PPP4R1: variants seen among roughly 807,000 people sequenced by gnomAD.
The protein encoded by PPP4R1 is serine/threonine-protein phosphatase 4 regulatory subunit 1.
Under a neutral mutation model 111.2 loss-of-function variants are expected in PPP4R1, and 42 were observed. That is an observed-to-expected ratio of 0.38 (90% CI 0.29 to 0.49). PPP4R1 has a LOEUF of 0.49. PPP4R1 is among the 20% of genes least tolerant of loss of function. PPP4R1 has a pLI of 0.97. For missense variants in PPP4R1, 1,012 were observed against 1,161.6 expected (o/e 0.87, Z 1.87); for synonymous variants, 409 against 405.5 (o/e 1.01, Z -0.10).
At chr18:9,602,167 C>T (rs887422906) in intron 2 of PPP4R1, among the ~76,000 whole-genome samples, 4 of 151,994 alleles carry the variant, frequency 2.6e-5, no homozygotes, top group African/African-American at 7.3e-5. Flanking sequence ...CACAGAAATC[C>T]AAAGTAGCAG....
intron 4 of PPP4R1, chr18:9,590,203 A>G (rs2067188194): frequency 1.3e-5 from 2 of 152,220 alleles, no homozygotes; most frequent in Non-Finnish European, 2.9e-5. Flanking sequence ...ATATGTATGA[A>G]TGTGTCTACT....
intron 2 of PPP4R1, among the ~76,000 whole-genome samples, chr18:9,610,564 G>GC (rs1375579540): frequency 6.6e-6 from 1 of 152,040 alleles, no homozygotes; most frequent in Non-Finnish European, 1.5e-5. Flanking sequence ...CTGGGTTCAA[G>GC]CAACTCCCCT....
intron 13 of PPP4R1, among the ~76,000 whole-genome samples, chr18:9,560,554 C>T (rs1483048726): frequency 6.6e-6 from 1 of 151,952 alleles, no homozygotes; most frequent in African/African-American, 2.4e-5. Context: ...TTTTGAGCTA[C>T]ATAAACGAAT....
chr18:9,548,516 G>A (rs1028262443), intron 19 of PPP4R1, among the ~76,000 whole-genome samples: 2 of 152,156 alleles, frequency 1.3e-5, no homozygotes, highest in Admixed American at 6.5e-5. Context: ...TGAAGAGAAA[G>A]CAGAAGGGAG....
chr18:9,615,496 G>A (rs1028123901), upstream of PPP4R1, among the ~76,000 whole-genome samples: 2 of 152,224 alleles, frequency 1.3e-5, no homozygotes, highest in South Asian at 4.1e-4. Context: ...ACTTTTGGCA[G>A]CACTTGAGGT....
At chr18:9,561,084 T>C (rs2145046539) in intron 13 of PPP4R1, among the ~76,000 whole-genome samples, 1 of 150,006 alleles carries the variant, frequency 6.7e-6, no homozygotes, top group African/African-American at 2.5e-5. Flanking sequence ...CTGGGCATGG[T>C]GGCTCGCAAC....
intron 13 of PPP4R1, among the ~76,000 whole-genome samples, chr18:9,560,469 A>G (rs2066654982): frequency 6.6e-6 from 1 of 150,880 alleles, no homozygotes; most frequent in South Asian, 2.1e-4. Flanking sequence ...GTTGTATCTC[A>G]GGAAGCAAAA....
rs2066839997 is a variant in PPP4R1 at position 9,570,321 on chromosome 18, A to C, written c.1409T>G (p.Ile470Arg). Residue 470 changes from isoleucine to arginine, a missense_variant, in exon 11 of 20, where the codon ATA becomes AGA. By Grantham distance (97) the Ile-to-Arg change is moderately conservative. Transcript: ENST00000400556. Reference sequence around the variant, plus strand: ...TCCCCCAGAGTTCTGTTCAAGCTCTATGTCTAGATCTATTTCAGGAAGAGG... The same window carrying C: ...TCCCCCAGAGTTCTGTTCAAGCTCTCTGTCTAGATCTATTTCAGGAAGAGG... ...RTPLPEIDLD[I>R]ELEQNSGGKP... 2 of 1,611,964 alleles carry C rather than the reference A, an allele frequency of 1.2e-6. No individual in the cohort carries two copies. The highest frequency in any genetic ancestry group is 1.3e-5 in the African/African-American group (1 of 74,754).
chr18:9,549,611 C>T (rs1160834783), intron 18 of PPP4R1, among the ~76,000 whole-genome samples: 2 of 152,174 alleles, frequency 1.3e-5, no homozygotes. Context: ...GACATGAGCA[C>T]CCTCTAGTGG....
rs779251554 is a variant in PPP4R1 at position 9,563,521 on chromosome 18, G to A, written c.1603C>T (p.Arg535Cys). The A allele has an allele frequency of 7.5e-6, 12 of 1,606,254 alleles. No individual in the cohort carries two copies. Among genetic ancestry groups the A allele is most frequent in the East Asian group, 2.2e-5 (1 of 44,806 alleles). ...TCATGTGCATCCAGGCTGGAAGCAC[G>A]TAGTGCAGCGGACAGCACTTCCACT... ...AQVEVLSAAL[R>C]ASSLDAHEET... Residue 535 changes from arginine (R) to cysteine (C), a missense_variant, in exon 12 of 20, where the codon CGT (arginine) becomes TGT (cysteine). Physicochemically the swap from Arg to Cys is radical, Grantham distance 180. This residue lies in a region of PPP4R1 where 707 missense variants were observed against 742.1 expected (regional missense o/e 0.95). Transcript: ENST00000400556.
intron 9 of PPP4R1, among the ~76,000 whole-genome samples, chr18:9,578,870 C>A (rs1052070976): frequency 2.0e-5 from 3 of 152,140 alleles, no homozygotes; most frequent in African/African-American, 7.2e-5. Flanking sequence ...ACGCTGTATG[C>A]ACGAATTTAA....
At chr18:9,575,038 C>G (rs1254812653) in intron 10 of PPP4R1, among the ~76,000 whole-genome samples, 1 of 152,172 alleles carries the variant, frequency 6.6e-6, no homozygotes, top group African/African-American at 2.4e-5. Flanking sequence ...AGTGAAAGAT[C>G]TGATGTGTAA....
chr18:9,577,339 GA>G (rs2066952923), intron 9 of PPP4R1, 148 bp from the exon 10 acceptor site: 2 of 958,782 alleles, frequency 2.1e-6, no homozygotes, highest in South Asian at 1.8e-5. Flanking sequence ...CCCAGATTCA[GA>G]ACTTTAGCTA....
chr18:9,561,718 C>T (rs1355451381), intron 13 of PPP4R1, among the ~76,000 whole-genome samples: 1 of 151,938 alleles, frequency 6.6e-6, no homozygotes, highest in Non-Finnish European at 1.5e-5. Flanking sequence ...GTTTATGTGC[C>T]CATGAAAATA....
chr18:9,559,333 T>G, intron 14 of PPP4R1, 86 bp downstream of exon 14: 2 of 1,282,252 alleles, frequency 1.6e-6, no homozygotes, highest in Admixed American at 4.9e-5. Context: ...TGCTAGAACA[T>G]GAACAGAAAT....
chr18:9,549,829 G>A, intron 18 of PPP4R1: 2 of 622,448 alleles, frequency 3.2e-6, no homozygotes, highest in Non-Finnish European at 5.5e-6. Flanking sequence ...AGGCACGTGG[G>A]GTGTGTGTGG....
intron 2 of PPP4R1, among the ~76,000 whole-genome samples, chr18:9,602,376 A>T (rs1356908412): frequency 2.7e-5 from 4 of 147,338 alleles, no homozygotes; most frequent in Non-Finnish European, 6.0e-5. Flanking sequence ...CTAAAAAAAA[A>T]AAAAAAAAAA....
chr18:9,598,487 C>G (rs1449950256), intron 2 of PPP4R1, among the ~76,000 whole-genome samples: 1 of 152,116 alleles, frequency 6.6e-6, no homozygotes, highest in Non-Finnish European at 1.5e-5. Flanking sequence ...ATCTAAAATA[C>G]AAGCCAGAAG....
intron 6 of PPP4R1, among the ~76,000 whole-genome samples, chr18:9,586,684 G>A (rs1336615855): frequency 6.6e-6 from 1 of 152,106 alleles, no homozygotes; most frequent in Non-Finnish European, 1.5e-5. Flanking sequence ...AATATAGTGT[G>A]ATTATTAAAA....
Sources: allele counts gnomAD v4.1 joint callset (sites outside exome capture counted in the v4.1 genomes callset), GRCh38; gene constraint gnomAD v4.1.1; regional missense constraint gnomAD v4.1.1; transcripts MANE v1.5; gene names NCBI Gene and HGNC (gene_info 2026-07-23, HGNC 2026-07-21).